The following MYH11 variants were observed in gnomAD, a reference collection of about 807,000 sequenced individuals.
MYH11 encodes myosin-11.
Under a neutral mutation model 246.6 loss-of-function variants are expected in MYH11, and 80 were observed. The observed-to-expected ratio is 0.32, with a 90% CI of 0.27 to 0.39. The LOEUF is 0.39. MYH11 is among the 10% of genes least tolerant of loss of function. The probability of loss-of-function intolerance (pLI) is 1.00; values close to 1 mark genes in which losing one functional copy is unlikely to be tolerated. For missense variants in MYH11, 2,158 were observed against 2,546.8 expected, an observed-to-expected ratio of 0.85 and a Z score of 3.29; for synonymous variants, 1,071 against 1,015.5, an observed-to-expected ratio of 1.05 and a Z score of -1.04.
Position 15,771,718 on chromosome 16 carries a change from A to T in MYH11, c.890-6T>A, listed in dbSNP as rs200410426. 1.2e-6 allele frequency: 2 copies of T among 1,614,190 alleles called. No homozygotes were observed. Among genetic ancestry groups the T allele is most frequent in the African/African-American group, 2.7e-5 (2 of 75,052 alleles). ...GCCCTCCAAAAGCAAGTCACCTAGA[A>T]GGAGAGGAAGACAGGTCAGGGTCAA... On this transcript the variant is annotated splice_region_variant and splice_polypyrimidine_tract_variant and intron_variant, in intron 8 of 40. Coordinates refer to ENST00000300036, the MANE Select transcript of MYH11 (RefSeq NM_002474.3).
At chr16:15,776,033 G>A (rs1204862853) in intron 8 of MYH11, 45 bp downstream of exon 8, 3 of 1,395,924 alleles carry the variant, frequency 2.1e-6, no homozygotes, top group Non-Finnish European at 3.1e-6. Context: ...CTGATGAAAG[G>A]GAAGGCTCAA....
chr16:15,731,019 C>T (rs1167898105), intron 27 of MYH11, among the ~76,000 whole-genome samples: 3 of 151,772 alleles, frequency 2.0e-5, no homozygotes, highest in East Asian at 1.9e-4. Context: ...AAAGAAAAAT[C>T]GCTATGTTGC....
chr16:15,832,972 T>C (rs1214022714), intron 2 of MYH11, among the ~76,000 whole-genome samples: 1 of 57,190 alleles, frequency 1.7e-5, no homozygotes, highest in Non-Finnish European at 3.5e-5. Context: ...TTTTTTTTTT[T>C]TTTTTTTTGA....
intron 3 of MYH11, among the ~76,000 whole-genome samples, chr16:15,812,948 C>T (rs1397641954): frequency 6.6e-6 from 1 of 152,144 alleles, no homozygotes; most frequent in Admixed American, 6.5e-5. Flanking sequence ...GGGTGGATCA[C>T]CTGAGGTCAG....
chr16:15,717,214 G>C lies in MYH11; in HGVS notation c.5430C>G (p.Ser1810=). The C allele has an allele frequency of 1.2e-6, 2 of 1,614,216 alleles. No individual in the cohort carries two copies. The highest frequency in any genetic ancestry group is 1.7e-6 in the Non-Finnish European group (2 of 1,180,042). ...GCGCCGCGATGGTGGACTTGAACTT[G>C]GACTTGACGGCCCCCTCCATCTCGT... ...KLHEMEGAVK[S]KFKSTIAALE... The change falls in exon 38 of 41, where the codon TCC becomes TCG. Residue 1810 remains serine (S), a synonymous_variant. Transcript: ENST00000300036.
At chr16:15,847,974 T>C (rs2044238830) in intron 1 of MYH11, among the ~76,000 whole-genome samples, 2 of 152,194 alleles carry the variant, frequency 1.3e-5, no homozygotes, top group Admixed American at 6.5e-5. Context: ...GTCAAATCCA[T>C]CTGGAAGGTG....
chr16:15,727,602 T>C (rs910160166), intron 27 of MYH11, among the ~76,000 whole-genome samples: 23 of 152,178 alleles, frequency 1.5e-4, no homozygotes, highest in South Asian at 4.1e-4. Flanking sequence ...CTTTCACTAC[T>C]TTTAAAAAAA....
chr16:15,741,184 G>A (rs1031447506), intron 22 of MYH11: 2 of 582,394 alleles, frequency 3.4e-6, no homozygotes, highest in Non-Finnish European at 3.1e-6. Flanking sequence ...GTTTTGTTAT[G>A]TAGCAATAGC....
intron 12 of MYH11, 125 bp from the exon 13 acceptor site, chr16:15,758,125 G>T (rs1014833186): frequency 4.2e-6 from 6 of 1,426,764 alleles, no homozygotes; most frequent in South Asian, 3.5e-5. Flanking sequence ...TGCCATCCCA[G>T]CACCCAGACA....
chr16:15,843,987 A>G (rs919763644), intron 1 of MYH11, among the ~76,000 whole-genome samples: 8 of 152,098 alleles, frequency 5.3e-5, no homozygotes, highest in Admixed American at 2.0e-4. Flanking sequence ...TAAATCTACT[A>G]ATTAACCCTA....
intron 3 of MYH11, among the ~76,000 whole-genome samples, chr16:15,802,872 C>T (rs1015136414): frequency 2.6e-5 from 4 of 151,124 alleles, no homozygotes; most frequent in Non-Finnish European, 4.4e-5. Flanking sequence ...GAAAGGAGGC[C>T]GGGCGTGGTG....
intron 2 of MYH11, among the ~76,000 whole-genome samples, chr16:15,834,292 C>G (rs1429137226): frequency 6.6e-6 from 1 of 151,922 alleles, no homozygotes; most frequent in Non-Finnish European, 1.5e-5. Context: ...TTTGGGAGGC[C>G]GAGGCAAGTG....
chr16:15,752,462 G>A (rs1428147569), intron 15 of MYH11, among the ~76,000 whole-genome samples: 7 of 152,080 alleles, frequency 4.6e-5, no homozygotes, highest in Admixed American at 1.3e-4. Context: ...AAAGGGAGCC[G>A]GAGTGTGGTC....
At chr16:15,784,137 G>A (rs1281446306) in intron 5 of MYH11, among the ~76,000 whole-genome samples, 1 of 152,078 alleles carries the variant, frequency 6.6e-6, no homozygotes, top group East Asian at 1.9e-4. Context: ...GTTTCTGGAG[G>A]CTTGAGTCAA....
chr16:15,814,059 G>A (rs1224514027), intron 3 of MYH11, among the ~76,000 whole-genome samples: 5 of 151,520 alleles, frequency 3.3e-5, no homozygotes, highest in African/African-American at 7.3e-5. Context: ...CTGCAGAATC[G>A]CTTGATCCTG....
chr16:15,807,713 C>T (rs1233649994), intron 3 of MYH11, among the ~76,000 whole-genome samples: 1 of 152,098 alleles, frequency 6.6e-6, no homozygotes, highest in Non-Finnish European at 1.5e-5. Flanking sequence ...CACCTCACAC[C>T]CCATCCTTAA....
chr16:15,786,532 T>G, intron 5 of MYH11, 98 bp downstream of exon 5: 1 of 1,181,898 alleles, frequency 8.5e-7, no homozygotes. Context: ...AGATGGGGCC[T>G]GAGTTCTTGC....
At chr16:15,790,749 A>AT (rs2042588895) in intron 4 of MYH11, among the ~76,000 whole-genome samples, 1 of 152,020 alleles carries the variant, frequency 6.6e-6, no homozygotes, top group Non-Finnish European at 1.5e-5. Context: ...TGGCCTTGTA[A>AT]CTACCCCAGT....
rs1418678410 is a variant in MYH11, at chr16:15,719,718, A to G, written c.4954-5T>C. On this transcript the variant is annotated splice_polypyrimidine_tract_variant and splice_region_variant and intron_variant, in intron 34 of 40. Coordinates refer to ENST00000300036, the MANE Select transcript of MYH11 (RefSeq NM_002474.3). ...TTGAAAGTCCTTCATCTGAGCCTGC[A>G]TGAGTCAACAGGGAGGACAAGCTCA... 3.1e-6 allele frequency: 5 copies of G among 1,614,012 alleles called. No homozygotes were observed. Among genetic ancestry groups the G allele is most frequent in the South Asian group, 1.1e-5 (1 of 91,086 alleles).
Sources: gnomAD v4.1 joint callset for allele counts (sites outside exome capture counted in the v4.1 genomes callset) on GRCh38, gnomAD v4.1.1 for gene constraint, MANE v1.5 for transcripts, NCBI Gene and HGNC (gene_info 2026-07-23, HGNC 2026-07-21) for gene names.